ZNF486: variants seen among roughly 807,000 people sequenced by gnomAD.
ZNF486 encodes KRAB box only protein 2.
A neutral mutation model predicts 12.8 loss-of-function variants in ZNF486; 12 were observed. That is an observed-to-expected ratio of 0.94 (90% CI 0.60 to 1.52). The LOEUF is 1.52. Among genes scored for constraint, ZNF486 ranks in the 40% most tolerant of loss-of-function variants. The pLI, the probability that ZNF486 is intolerant of heterozygous loss-of-function variation, is 0.00. For missense variants in ZNF486, 738 were observed against 545.0 expected (o/e 1.35, Z -3.53); for synonymous variants, 231 against 184.9 (o/e 1.25, Z -2.02).
At chr19:20,174,356 T>A (rs2089681798) in intron 1 of ZNF486, among the ~76,000 whole-genome samples, 1 of 152,116 alleles carries the variant, frequency 6.6e-6, no homozygotes. Context: ...CAAGCTGCAT[T>A]TATATACATT....
chr19:20,184,701 T>C (rs2089823619), intron 2 of ZNF486, among the ~76,000 whole-genome samples: 1 of 152,202 alleles, frequency 6.6e-6, no homozygotes, highest in Non-Finnish European at 1.5e-5. Context: ...TATTCTTCAC[T>C]CTAAATTAGT....
chr19:20,193,745 G>C (rs1007546752), intron 3 of ZNF486, among the ~76,000 whole-genome samples: 7 of 151,740 alleles, frequency 4.6e-5, no homozygotes, highest in Admixed American at 1.3e-4. Context: ...AAAACTTACT[G>C]TTATTTTTAT....
intron 1 of ZNF486, among the ~76,000 whole-genome samples, chr19:20,172,621 T>C (rs1397144733): frequency 6.6e-6 from 1 of 150,822 alleles, no homozygotes; most frequent in Non-Finnish European, 1.5e-5. Flanking sequence ...AATGAGGTTG[T>C]TTGTTTTTTT....
rs1416394416 is a variant in ZNF486 at position 20,200,476 on chromosome 19, G to A, written c.*2374G>A. 6.6e-6 allele frequency: 1 copy of A among 152,044 alleles called. No individual in the cohort carries two copies. The highest frequency in any genetic ancestry group is 1.5e-5 in the Non-Finnish European group (1 of 68,002). The allele number at this position is 152,044 out of a possible 1,614,324, so 9.4% of individuals were successfully genotyped here. A position where few individuals can be genotyped will look rare whatever the true frequency, so the allele number is the denominator to read the frequency against. On this transcript the variant is annotated 3_prime_UTR_variant, in exon 4 of 4. Coordinates refer to ENST00000335117, the MANE Select transcript of ZNF486 (RefSeq NM_052852.4). The stretch of plus-strand genomic sequence containing the variant: ...GTACTTTTATGTAATAAAATGCAGT[G>A]CATTTAAAAATTGTTAGATTATGTG...
intron 1 of ZNF486, among the ~76,000 whole-genome samples, chr19:20,168,197 A>G (rs574523847): frequency 6.6e-6 from 1 of 152,188 alleles, no homozygotes; most frequent in East Asian, 1.9e-4. Flanking sequence ...CGTCTCTACT[A>G]AAAATACAAA....
At chr19:20,175,436 G>A (rs925302698) in intron 1 of ZNF486, 4 of 150,060 alleles carry the variant, frequency 2.7e-5, no homozygotes, top group Non-Finnish European at 4.4e-5. Context: ...AGATAAACAA[G>A]TGAACAAAGG....
rs1187731797 is a variant in ZNF486, at chr19:20,197,928, C to A, written c.1218C>A (p.Tyr406Ter). ...GAACTCATACTGGAGAGAAACCCTACAAATGTGAAGAATGTGGCAAAGCGT... is the reference window on the plus strand; with the variant it reads ...GAACTCATACTGGAGAGAAACCCTAAAAATGTGAAGAATGTGGCAAAGCGT... ...HRRTHTGEKPYKCEECGKAYT... is the reference protein window; with the variant it reads ...HRRTHTGEKP The change falls in exon 4 of 4, where the codon TAC (tyrosine) becomes TAA (stop). Residue 406 changes from tyrosine to a stop codon, truncating the protein, a stop_gained. Coordinates refer to ENST00000335117, the MANE Select transcript of ZNF486 (RefSeq NM_052852.4). LOFTEE classifies it low-confidence loss of function (END_TRUNC). 1.9e-6 allele frequency: 3 copies of A among 1,613,662 alleles called. No homozygotes were observed. In the African/African-American group the frequency reaches 4.0e-5, roughly 22 times the overall value.
intron 3 of ZNF486, chr19:20,188,669 C>G (rs989568408): frequency 2.6e-6 from 1 of 388,040 alleles, no homozygotes; most frequent in Non-Finnish European, 4.5e-6. Flanking sequence ...AAAAGCTGTT[C>G]ATTTCAGGCA....
At chr19:20,181,447 G>A (rs947332967) in intron 1 of ZNF486, among the ~76,000 whole-genome samples, 2 of 151,480 alleles carry the variant, frequency 1.3e-5, no homozygotes, top group Non-Finnish European at 2.9e-5. Context: ...GCTGAGGCAG[G>A]AGAATGGCGT....
intron 1 of ZNF486, among the ~76,000 whole-genome samples, chr19:20,177,361 A>C (rs777446536): frequency 2.0e-5 from 3 of 152,246 alleles, no homozygotes; most frequent in Non-Finnish European, 4.4e-5. Context: ...AACTCCTGTT[A>C]TGAAGATGTG....
intron 1 of ZNF486, among the ~76,000 whole-genome samples, chr19:20,180,632 G>T (rs1355084494): frequency 6.6e-6 from 1 of 152,150 alleles, no homozygotes; most frequent in African/African-American, 2.4e-5. Context: ...TGAGTGCAGT[G>T]ACATGATCTT....
chr19:20,190,965 C>T (rs192174884), intron 3 of ZNF486, among the ~76,000 whole-genome samples: 3 of 152,282 alleles, frequency 2.0e-5, no homozygotes, highest in African/African-American at 4.8e-5. Flanking sequence ...CAAAACTTTA[C>T]ACTCTATTAA....
chr19:20,180,676 C>T (rs914724851), intron 1 of ZNF486, among the ~76,000 whole-genome samples: 17 of 152,224 alleles, frequency 1.1e-4, no homozygotes, highest in Middle Eastern at 3.4e-3. Context: ...TGGGTTCAAG[C>T]GATTCTCCTG....
At chr19:20,187,794 C>A (rs782630079) in intron 3 of ZNF486, among the ~76,000 whole-genome samples, 1 of 152,036 alleles carries the variant, frequency 6.6e-6, no homozygotes, top group South Asian at 2.1e-4. Flanking sequence ...TGAGCCACCA[C>A]GCCTGGCCTT....
rs1285119908 is a variant in ZNF486, at chr19:20,184,385, A to G, written c.60A>G (p.Val20=). ...MESLQFRDVA[V]EFSLEEWHCL... ...CATTGCAATTTAGAGATGTGGCTGT[A>G]GAATTCTCTCTGGAGGAGTGGCATT... The change falls in exon 2 of 4, where the codon GTA becomes GTG. Residue 20 remains valine, a synonymous_variant. Coordinates refer to ENST00000335117, the MANE Select transcript of ZNF486 (RefSeq NM_052852.4). 6.2e-7 allele frequency: 1 copy of G among 1,613,382 alleles called. No homozygotes were observed. Among genetic ancestry groups the G allele is most frequent in the East Asian group, 2.2e-5 (1 of 44,838 alleles).
chr19:20,178,618 C>T (rs1555715154), intron 1 of ZNF486, among the ~76,000 whole-genome samples: 1 of 152,184 alleles, frequency 6.6e-6, no homozygotes, highest in East Asian at 1.9e-4. Context: ...ACATAAGGTG[C>T]CAACCAGAAT....
At chr19:20,178,730 T>C (rs1555715177) in intron 1 of ZNF486, among the ~76,000 whole-genome samples, 1 of 152,190 alleles carries the variant, frequency 6.6e-6, no homozygotes, top group Admixed American at 6.5e-5. Flanking sequence ...TCTCTATTTG[T>C]TATCTATAGT....
chr19:20,176,092 TCTC>T (rs1223360879), intron 1 of ZNF486: 42 of 170,704 alleles, frequency 2.5e-4, no homozygotes, highest in Non-Finnish European at 3.7e-4. Flanking sequence ...AGGCAGAGGG[TCTC>T]CTCACCTCTC....
Position 20,186,095 on chromosome 19 carries a change from G to A in ZNF486, c.253+13G>A. 1.9e-6 allele frequency: 3 copies of A among 1,568,894 alleles called. No individual in the cohort carries two copies. The highest frequency in any genetic ancestry group is 2.6e-6 in the Non-Finnish European group (3 of 1,161,758). On this transcript the variant is annotated intron_variant, in intron 3 of 3. Transcript: ENST00000335117. Reference sequence around the variant, plus strand: ...GCCAAACCCCCAGGTAGGTGCGAATGAAAATGAACACAACAGACAATGCAG... The same window carrying A: ...GCCAAACCCCCAGGTAGGTGCGAATAAAAATGAACACAACAGACAATGCAG...
Sources: gnomAD v4.1 joint callset for allele counts (sites outside exome capture counted in the v4.1 genomes callset) on GRCh38, gnomAD v4.1.1 for gene constraint, MANE v1.5 for transcripts, NCBI Gene and HGNC (gene_info 2026-07-23, HGNC 2026-07-21) for gene names.